The following HS6ST3 variants were observed in gnomAD, a reference collection of about 807,000 sequenced individuals.
HS6ST3 encodes the protein heparan sulfate 6-O-sulfotransferase 3, also known as heparan-sulfate 6-O-sulfotransferase 3.
HS6ST3 carries 12 observed loss-of-function variants against 36.7 expected under a neutral mutation model. The observed-to-expected ratio is 0.33, with a 90% confidence interval of 0.21 to 0.53. The LOEUF (loss-of-function observed/expected upper bound fraction) is 0.53, where lower values mean the gene tolerates loss of function less well. HS6ST3 is among the 20% of genes least tolerant of loss of function. The pLI is 0.95. For synonymous variants in HS6ST3, 240 were observed against 257.5 expected, an observed-to-expected ratio of 0.93 and a Z score of 0.65; for missense variants, 584 against 640.9, an observed-to-expected ratio of 0.91 and a Z score of 0.96.
At chr13:96,791,284 G>A (rs1198195908) in intron 1 of HS6ST3, among the ~76,000 whole-genome samples, 3 of 151,936 alleles carry the variant, frequency 2.0e-5, no homozygotes, top group Non-Finnish European at 2.9e-5. Context: ...GGATCTTTTA[G>A]TGTTTGCATG....
intron 1 of HS6ST3, among the ~76,000 whole-genome samples, chr13:96,115,148 C>T (rs61967964): frequency 0.027 from 4,134 of 152,244 alleles, 68 homozygotes; most frequent in Non-Finnish European, 0.034. Context: ...TTTTTCTTGG[C>T]ACAGACATGG....
At chr13:96,775,330 C>G (rs1458265908) in intron 1 of HS6ST3, among the ~76,000 whole-genome samples, 3 of 151,478 alleles carry the variant, frequency 2.0e-5, no homozygotes, top group African/African-American at 7.3e-5. Context: ...GCCCACATAA[C>G]AATATTGACC....
chr13:96,506,759 A>T (rs1352530048), intron 1 of HS6ST3, among the ~76,000 whole-genome samples: 1 of 152,140 alleles, frequency 6.6e-6, no homozygotes, highest in Admixed American at 6.6e-5. Flanking sequence ...TTTTCAGATG[A>T]CTTCCACCTG....
chr13:96,679,169 A>G (rs1453915842), intron 1 of HS6ST3, among the ~76,000 whole-genome samples: 1 of 150,152 alleles, frequency 6.7e-6, no homozygotes, highest in Non-Finnish European at 1.5e-5. Context: ...TCAGTTCCAC[A>G]AGGCAATATA....
chr13:96,743,415 C>T (rs528579587), intron 1 of HS6ST3, among the ~76,000 whole-genome samples: 59 of 152,120 alleles, frequency 3.9e-4, no homozygotes, highest in African/African-American at 1.3e-3. Context: ...TTGAACTGCT[C>T]ATTTGTGTTG....
chr13:96,491,912 A>T (rs1311674002), intron 1 of HS6ST3, among the ~76,000 whole-genome samples: 1 of 152,130 alleles, frequency 6.6e-6, no homozygotes, highest in Non-Finnish European at 1.5e-5. Flanking sequence ...GAATGAATGG[A>T]GATAGATCTA....
chr13:96,235,376 GA>G (rs2054529351), intron 1 of HS6ST3, among the ~76,000 whole-genome samples: 1 of 152,138 alleles, frequency 6.6e-6, no homozygotes, highest in Non-Finnish European at 1.5e-5. Context: ...ACTGATGTTT[GA>G]AGGTGGGCTT....
chr13:96,529,785 CA>C (rs1303986620), intron 1 of HS6ST3, among the ~76,000 whole-genome samples: 1 of 152,112 alleles, frequency 6.6e-6, no homozygotes, highest in African/African-American at 2.4e-5. Context: ...TTTCTTCTAT[CA>C]AATTATTTTC....
intron 1 of HS6ST3, among the ~76,000 whole-genome samples, chr13:96,522,084 A>T (rs1412094598): frequency 6.6e-6 from 1 of 152,090 alleles, no homozygotes; most frequent in Admixed American, 6.5e-5. Flanking sequence ...GAACATCTTT[A>T]TTTCTGCCTT....
At chr13:96,477,952 C>G (rs188057678) in intron 1 of HS6ST3, among the ~76,000 whole-genome samples, 1 of 151,960 alleles carries the variant, frequency 6.6e-6, no homozygotes, top group Non-Finnish European at 1.5e-5. Flanking sequence ...CACAAAAAAC[C>G]GAAAGCTAAC....
intron 1 of HS6ST3, among the ~76,000 whole-genome samples, chr13:96,825,040 C>T (rs1014452098): frequency 6.6e-6 from 1 of 152,142 alleles, no homozygotes; most frequent in African/African-American, 2.4e-5. Flanking sequence ...GGAGAAATCC[C>T]TTCCACGGAG....
At position 96,656,832 on chromosome 13, in the gene HS6ST3, C is replaced by T. The variant is rs181321714; in HGVS notation, c.708-175658C>T. 5.8e-4 allele frequency among the ~76,000 whole-genome samples: 88 copies of T among 152,080 alleles called. 1 individual carries two copies. In the South Asian group the frequency reaches 6.7e-3, roughly 11 times the overall value. Reference sequence around the variant, plus strand: ...TTTCATAGCAAACTGACTGGATTGACGGAATTATATACAAAATAATCTTAT... The same window carrying T: ...TTTCATAGCAAACTGACTGGATTGATGGAATTATATACAAAATAATCTTAT... On this transcript the variant is annotated intron_variant, in intron 1 of 1. Transcript: ENST00000376705.
At chr13:96,736,465 A>G (rs1261712505) in intron 1 of HS6ST3, among the ~76,000 whole-genome samples, 2 of 152,216 alleles carry the variant, frequency 1.3e-5, no homozygotes, top group Non-Finnish European at 2.9e-5. Flanking sequence ...ATCAAAATTC[A>G]TTATAAACAT....
At chr13:96,138,399 T>G (rs2054013123) in intron 1 of HS6ST3, among the ~76,000 whole-genome samples, 1 of 46,064 alleles carries the variant, frequency 2.2e-5, no homozygotes, top group African/African-American at 1.2e-4. Flanking sequence ...TTACAGTTTA[T>G]AAATATATAT....
intron 1 of HS6ST3, among the ~76,000 whole-genome samples, chr13:96,739,234 T>A (rs28463882): frequency 0.09 from 12,540 of 139,502 alleles, 740 homozygotes; most frequent in African/African-American, 0.16. Flanking sequence ...TGTGTGTGTG[T>A]GTGTGTGTGT....
At chr13:96,354,658 A>G (rs1417642173) in intron 1 of HS6ST3, among the ~76,000 whole-genome samples, 3 of 152,192 alleles carry the variant, frequency 2.0e-5, no homozygotes, top group Admixed American at 1.3e-4. Context: ...ACATGTTACC[A>G]TTACAACAAT....
chr13:96,237,310 A>T (rs935150285), intron 1 of HS6ST3, among the ~76,000 whole-genome samples: 1 of 152,176 alleles, frequency 6.6e-6, no homozygotes, highest in East Asian at 1.9e-4. Context: ...AAATGCATCT[A>T]CATCATTCTC....
chr13:96,557,423 T>C (rs13378485), intron 1 of HS6ST3, among the ~76,000 whole-genome samples: 25,988 of 152,014 alleles, frequency 0.17, 3,017 homozygotes, highest in African/African-American at 0.33. Context: ...AAAGAATATC[T>C]GAAGAAAAAA....
chr13:96,724,490 T>C (rs1875949284), intron 1 of HS6ST3, among the ~76,000 whole-genome samples: 1 of 152,200 alleles, frequency 6.6e-6, no homozygotes, highest in South Asian at 2.1e-4. Context: ...GCCCGGAACC[T>C]CTCTTTGTGC....
Sources: allele counts gnomAD v4.1 joint callset (sites outside exome capture counted in the v4.1 genomes callset), GRCh38; gene constraint gnomAD v4.1.1; transcripts MANE v1.5; gene names NCBI Gene and HGNC (gene_info 2026-07-23, HGNC 2026-07-21).